Variants in CNKSR2 observed in about 807,000 individuals in gnomAD.
The protein encoded by CNKSR2 is CNK homolog protein 2.
A neutral mutation model predicts 84.4 loss-of-function variants in CNKSR2; 14 were observed. The observed-to-expected ratio is 0.17, with a 90% CI of 0.11 to 0.26. The LOEUF (loss-of-function observed/expected upper bound fraction) is 0.26, where lower values mean the gene tolerates loss of function less well. Ranked by LOEUF, CNKSR2 falls within the 10% of genes least tolerant of loss-of-function variation. The probability of loss-of-function intolerance (pLI) is 1.00; values close to 1 mark genes in which losing one functional copy is unlikely to be tolerated. For missense variants in CNKSR2, 485 were observed against 771.2 expected (o/e 0.63, Z 4.40); for synonymous variants, 275 against 277.9 (o/e 0.99, Z 0.10).
In CNKSR2 at chrX:21,521,578, G is replaced by A. The variant is rs1358699315; in HGVS notation, c.957+4947G>A. Among the ~76,000 whole-genome samples the A allele has an allele frequency of 6.3e-5, 7 of 110,618 alleles. No individual in the cohort carries two copies. The South Asian group carries it at 2.6e-3, about 42-fold the overall frequency. ...GCAGTTTAATTATGCCCATAAGACTGGACAATGCAGGATTAAAGACACTAG... is the reference window on the plus strand; with the variant it reads ...GCAGTTTAATTATGCCCATAAGACTAGACAATGCAGGATTAAAGACACTAG... On this transcript the variant is annotated intron_variant, in intron 9 of 21. Transcript: ENST00000379510.
At chrX:21,392,619 C>G (rs754988981) in intron 1 of CNKSR2, among the ~76,000 whole-genome samples, 1 of 111,532 alleles carries the variant, frequency 9.0e-6, no homozygotes, top group African/African-American at 3.3e-5. Flanking sequence ...CACCAGGCCC[C>G]TCCTCCAACA....
intron 12 of CNKSR2, among the ~76,000 whole-genome samples, chrX:21,562,018 T>C (rs1380810219): frequency 9.3e-6 from 1 of 107,585 alleles, no homozygotes; most frequent in Non-Finnish European, 1.9e-5. Context: ...ACAAAAACCA[T>C]GTAGAAATAG....
Position 21,561,618 on chromosome X carries a change from A to G in CNKSR2, c.1393+58A>G, listed in dbSNP as rs2092190653. On this transcript the variant is annotated intron_variant, in intron 12 of 21. Coordinates refer to ENST00000379510, the MANE Select transcript of CNKSR2 (RefSeq NM_014927.5). Reference sequence around the variant, plus strand: ...TTGTTTGAACAATAAGCAAATTTAAATGTTCTGTAAATAGATTGTTATGGC... The same window carrying G: ...TTGTTTGAACAATAAGCAAATTTAAGTGTTCTGTAAATAGATTGTTATGGC... The G allele has an allele frequency of 7.1e-6, 6 of 840,810 alleles. No individual in the cohort carries two copies. In the South Asian group the frequency reaches 1.1e-4, roughly 16 times the overall value. The allele number at this position is 840,810 out of a possible 1,213,427, so 69.3% of individuals were successfully genotyped here.
chrX:21,393,286 G>C (rs767226446), intron 1 of CNKSR2, among the ~76,000 whole-genome samples: 76 of 112,022 alleles, frequency 6.8e-4, no homozygotes, highest in Non-Finnish European at 1.2e-3. Context: ...TCTGCTTTTT[G>C]TACAAACTAT....
At chrX:21,502,715 C>G (rs1309359467) in intron 8 of CNKSR2, among the ~76,000 whole-genome samples, 1 of 111,701 alleles carries the variant, frequency 9.0e-6, no homozygotes, top group Non-Finnish European at 1.9e-5. Flanking sequence ...AGTTCATTAT[C>G]TAAGTGAAGT....
At chrX:21,602,425 G>T in intron 18 of CNKSR2, among the ~76,000 whole-genome samples, 1 of 112,009 alleles carries the variant, frequency 8.9e-6, no homozygotes, top group Non-Finnish European at 1.9e-5. Flanking sequence ...AAAATGCTGG[G>T]ATTACAGGCA....
chrX:21,397,155 T>C lies in CNKSR2; in HGVS notation c.64+22194T>C, dbSNP rs149361129. Among the ~76,000 whole-genome samples the C allele has an allele frequency of 6.6e-3, 741 of 111,739 alleles. 4 individuals are homozygous for C. The highest frequency in any genetic ancestry group is 0.011 in the Non-Finnish European group (586 of 52,950). On this transcript the variant is annotated intron_variant, in intron 1 of 21. Transcript: ENST00000379510. ...GACTCAATGATTTTAAATCTCATTT[T>C]CTAAAGCTTTGCAGATTGTTAACGC...
At chrX:21,397,736 GA>G (rs1172488039) in intron 1 of CNKSR2, among the ~76,000 whole-genome samples, 1 of 111,316 alleles carries the variant, frequency 9.0e-6, no homozygotes, top group African/African-American at 3.3e-5. Context: ...ATAGCTAGAA[GA>G]GAGGATTTTG....
intron 4 of CNKSR2, among the ~76,000 whole-genome samples, chrX:21,447,976 A>C (rs1287675516): frequency 9.0e-6 from 1 of 111,300 alleles, no homozygotes; most frequent in African/African-American, 3.3e-5. Flanking sequence ...TACGAAGCCA[A>C]AGTTGATAGC....
intron 20 of CNKSR2, among the ~76,000 whole-genome samples, chrX:21,629,577 G>A (rs750214611): frequency 1.5e-4 from 17 of 111,705 alleles, no homozygotes; most frequent in Admixed American, 1.9e-4. Context: ...AAGAGAGAGA[G>A]CTTGTGCAGG....
At chrX:21,418,324 C>A (rs748296686) in intron 1 of CNKSR2, among the ~76,000 whole-genome samples, 2 of 111,442 alleles carry the variant, frequency 1.8e-5, no homozygotes, top group Non-Finnish European at 3.8e-5. Flanking sequence ...GGAATTTACA[C>A]GCCACAATTA....
intron 1 of CNKSR2, among the ~76,000 whole-genome samples, chrX:21,383,803 A>G (rs2089932269): frequency 9.0e-6 from 1 of 111,267 alleles, no homozygotes; most frequent in Non-Finnish European, 1.9e-5. Flanking sequence ...CCTGGCTTAG[A>G]TCCTAGATTT....
chrX:21,509,673 A>G (rs1179049997), intron 8 of CNKSR2, among the ~76,000 whole-genome samples: 2 of 111,932 alleles, frequency 1.8e-5, no homozygotes, highest in Non-Finnish European at 3.8e-5. Context: ...AAAGAACAAA[A>G]TTAAGATATC....
At chrX:21,636,859 T>C (rs2092674547) in intron 20 of CNKSR2, among the ~76,000 whole-genome samples, 1 of 111,254 alleles carries the variant, frequency 9.0e-6, no homozygotes, top group Non-Finnish European at 1.9e-5. Context: ...TATATTTCTA[T>C]AAAAATTAAT....
chrX:21,517,476 A>G (rs2091739367), intron 9 of CNKSR2, among the ~76,000 whole-genome samples: 2 of 110,850 alleles, frequency 1.8e-5, no homozygotes, highest in Non-Finnish European at 3.8e-5. Context: ...TTGCACTAGA[A>G]TTTTTGCATT....
intron 3 of CNKSR2, 119 bp downstream of exon 3, chrX:21,432,933 G>A (rs1262185781): frequency 4.1e-5 from 28 of 681,799 alleles, no homozygotes; most frequent in Non-Finnish European, 5.3e-5. Flanking sequence ...AGTAATAAAT[G>A]TCTAATGATG....
In CNKSR2 at chrX:21,652,298, C is replaced by A. The variant is rs1479151864; in HGVS notation, c.2890-8C>A. On this transcript the variant is annotated splice_region_variant and splice_polypyrimidine_tract_variant and intron_variant, in intron 21 of 21. Coordinates refer to ENST00000379510, the MANE Select transcript of CNKSR2 (RefSeq NM_014927.5). Reference sequence around the variant, plus strand: ...CTGTCTTAATTGTTGAATCCTTTTTCTTTTCAGGCCAGAGAAGGGGAAGTA... The same window carrying A: ...CTGTCTTAATTGTTGAATCCTTTTTATTTTCAGGCCAGAGAAGGGGAAGTA... The A allele has an allele frequency of 2.5e-6, 3 of 1,184,340 alleles. No individual in the cohort carries two copies. The highest frequency in any genetic ancestry group is 3.6e-5 in the African/African-American group (2 of 56,265).
At chrX:21,624,194 TAAAG>T (rs1222369610) in intron 20 of CNKSR2, among the ~76,000 whole-genome samples, 1 of 112,043 alleles carries the variant, frequency 8.9e-6, no homozygotes, top group Non-Finnish European at 1.9e-5. Flanking sequence ...CCTTAAATTT[TAAAG>T]AAAGAAAGAA....
intron 12 of CNKSR2, 113 bp from the exon 13 acceptor site, chrX:21,563,125 A>T: frequency 1.9e-6 from 1 of 539,195 alleles, no homozygotes; most frequent in Non-Finnish European, 2.9e-6. Context: ...AATTAAAAGT[A>T]ATGGGAAAAA....
Sources: gnomAD v4.1 joint callset for allele counts (sites outside exome capture counted in the v4.1 genomes callset) on GRCh38, gnomAD v4.1.1 for gene constraint, MANE v1.5 for transcripts, NCBI Gene and HGNC (gene_info 2026-07-23, HGNC 2026-07-21) for gene names.